RBBP8: variants seen among roughly 807,000 people sequenced by gnomAD.
The protein encoded by RBBP8 is DNA endonuclease RBBP8.
In RBBP8, 88 loss-of-function variants were observed where a neutral mutation model predicts 108.3. The ratio of observed to expected loss-of-function variants is 0.81; its 90% CI spans 0.68 to 0.97. The LOEUF is 0.97. Ranked by LOEUF, RBBP8 falls within the 50% of genes least tolerant of loss-of-function variation. RBBP8 has a pLI of 0.00. For synonymous variants in RBBP8, 332 were observed against 348.2 expected, an observed-to-expected ratio of 0.95 and a Z score of 0.52; for missense variants, 1,023 against 1,049.0, an observed-to-expected ratio of 0.98 and a Z score of 0.34.
intron 3 of RBBP8, among the ~76,000 whole-genome samples, chr18:22,926,796 A>C (rs139286706): frequency 2.0e-5 from 3 of 152,376 alleles, no homozygotes; most frequent in African/African-American, 7.2e-5. Context: ...TTAAAAAGCA[A>C]GGTATACTCT....
At chr18:23,013,408 C>A (rs2046203036) in intron 16 of RBBP8, among the ~76,000 whole-genome samples, 1 of 151,864 alleles carries the variant, frequency 6.6e-6, no homozygotes, top group South Asian at 2.1e-4. Flanking sequence ...ATCAATTGAA[C>A]CAGTTTTTTG....
chr18:22,926,618 G>C (rs1305858127), intron 3 of RBBP8, among the ~76,000 whole-genome samples: 3 of 152,144 alleles, frequency 2.0e-5, no homozygotes, highest in Admixed American at 2.0e-4. Context: ...GATGGGAAAT[G>C]AAGCAGCTTG....
chr18:22,989,780 C>T (rs1915556382), intron 9 of RBBP8, among the ~76,000 whole-genome samples: 1 of 152,138 alleles, frequency 6.6e-6, no homozygotes, highest in South Asian at 2.1e-4. Context: ...TCAAGTGATC[C>T]TCCCATCTCA....
At chr18:22,979,455 T>A (rs561984220) in intron 6 of RBBP8, among the ~76,000 whole-genome samples, 1 of 152,312 alleles carries the variant, frequency 6.6e-6, no homozygotes, top group African/African-American at 2.4e-5. Flanking sequence ...GTAAATCTTT[T>A]TTGGGAAAAA....
chr18:22,989,855 TG>T (rs1477925530), intron 9 of RBBP8, among the ~76,000 whole-genome samples: 2 of 151,944 alleles, frequency 1.3e-5, no homozygotes, highest in Non-Finnish European at 2.9e-5. Context: ...TTTGTAGAGA[TG>T]GGGGTCTCAA....
chr18:22,926,958 TAAAC>T (rs904919783), intron 3 of RBBP8, among the ~76,000 whole-genome samples: 172 of 152,324 alleles, frequency 1.1e-3, no homozygotes, highest in African/African-American at 3.9e-3. Flanking sequence ...ACTCAAATCA[TAAAC>T]AAAACATTTT....
intron 3 of RBBP8, among the ~76,000 whole-genome samples, chr18:22,925,085 T>C (rs966937092): frequency 6.6e-6 from 1 of 152,076 alleles, no homozygotes; most frequent in Admixed American, 6.6e-5. Flanking sequence ...GGTCTTGTTA[T>C]GTTGCCCAGG....
chr18:23,001,035 A>T (rs1436965603), intron 14 of RBBP8, among the ~76,000 whole-genome samples: 3 of 152,210 alleles, frequency 2.0e-5, no homozygotes, highest in African/African-American at 7.2e-5. Flanking sequence ...TACATGCATT[A>T]CATCTGTTCA....
At chr18:23,012,207 C>CAAGAAAAA (rs368600707) in intron 16 of RBBP8, among the ~76,000 whole-genome samples, 1 of 81,144 alleles carries the variant, frequency 1.2e-5, no homozygotes, top group African/African-American at 4.7e-5. Flanking sequence ...GATGCTGTCT[C>CAAGAAAAA]CAAAAAAAAA....
At chr18:22,979,628 T>A (rs904161258) in intron 6 of RBBP8, among the ~76,000 whole-genome samples, 1 of 152,252 alleles carries the variant, frequency 6.6e-6, no homozygotes, top group African/African-American at 2.4e-5. Context: ...TCTGACAGAC[T>A]GGTAACAATT....
At chr18:22,969,828 G>A (rs890617458) in intron 5 of RBBP8, among the ~76,000 whole-genome samples, 1 of 152,122 alleles carries the variant, frequency 6.6e-6, no homozygotes. Context: ...TGTCTTGGAA[G>A]TCTTTACATG....
rs554642727 is a variant in RBBP8, at chr18:22,975,488, T to C, written c.428+269T>C. 3.3e-5 allele frequency among the ~76,000 whole-genome samples: 5 copies of C among 152,236 alleles called. No individual in the cohort carries two copies. In the South Asian group the frequency reaches 1.0e-3, roughly 32 times the overall value. On this transcript the variant is annotated intron_variant, in intron 6 of 18. Coordinates refer to ENST00000327155, the MANE Select transcript of RBBP8 (RefSeq NM_002894.3). ...AAATAATACATTATTAAAATACTTA[T>C]ATTTCAAACAGATGTTTGAGTTTTG...
intron 5 of RBBP8, among the ~76,000 whole-genome samples, chr18:22,971,751 T>A (rs762315900): frequency 6.6e-6 from 1 of 150,834 alleles, no homozygotes; most frequent in Non-Finnish European, 1.5e-5. Flanking sequence ...GTTCAAGCAG[T>A]TCTCCTGCCT....
chr18:22,932,901 C>T (rs1418610702), upstream of RBBP8, among the ~76,000 whole-genome samples: 1 of 152,250 alleles, frequency 6.6e-6, no homozygotes, highest in Non-Finnish European at 1.5e-5. Flanking sequence ...CGTTACCGCA[C>T]AACCCTGTCA....
chr18:23,021,506 A>G (rs193116442), intron 17 of RBBP8, among the ~76,000 whole-genome samples: 4 of 152,248 alleles, frequency 2.6e-5, no homozygotes, highest in Admixed American at 2.6e-4. Flanking sequence ...AACCTGTACA[A>G]TTTTTACGTA....
intron 16 of RBBP8, among the ~76,000 whole-genome samples, chr18:23,013,640 CAAG>C (rs1193315810): frequency 7.9e-5 from 12 of 152,134 alleles, no homozygotes; most frequent in African/African-American, 2.9e-4. Flanking sequence ...AGTCTCTGAG[CAAG>C]AAGGAGGAGT....
intron 4 of RBBP8, among the ~76,000 whole-genome samples, chr18:22,962,817 T>C (rs1913224343): frequency 6.6e-6 from 1 of 152,024 alleles, no homozygotes; most frequent in African/African-American, 2.4e-5. Flanking sequence ...GCCAGGCTGG[T>C]CTCGAACTCC....
At position 22,997,601 on chromosome 18, in the gene RBBP8, T is replaced by C. The variant is rs755277958; in HGVS notation, c.2029-19T>C. 6.7e-7 allele frequency: 1 copy of C among 1,488,054 alleles called. No homozygotes were observed. Among genetic ancestry groups the C allele is most frequent in the Non-Finnish European group, 9.2e-7 (1 of 1,083,402 alleles). The allele number at this position is 1,488,054 out of a possible 1,614,324, so 92.2% of individuals were successfully genotyped here. A position where few individuals can be genotyped will look rare whatever the true frequency, so the allele number is the denominator to read the frequency against. The stretch of plus-strand genomic sequence containing the variant: ...AGGAATAATTGTTAAAATTTTTGAT[T>C]TTTAAAATATTTATTTAGGATGGCA... On this transcript the variant is annotated intron_variant, in intron 13 of 18. Transcript: ENST00000327155.
At chr18:23,006,239 G>T (rs2046045352) in intron 15 of RBBP8, 124 bp from the exon 16 acceptor site, 1 of 805,466 alleles carries the variant, frequency 1.2e-6, no homozygotes, top group Non-Finnish European at 2.1e-6. Flanking sequence ...GAGTTGCTCA[G>T]AGGCCTGGAG....
Sources: gnomAD v4.1 joint callset for allele counts (sites outside exome capture counted in the v4.1 genomes callset) on GRCh38, gnomAD v4.1.1 for gene constraint, MANE v1.5 for transcripts, NCBI Gene and HGNC (gene_info 2026-07-23, HGNC 2026-07-21) for gene names.